YJU2B: variants seen among roughly 807,000 people sequenced by gnomAD.
The protein encoded by YJU2B is probable splicing factor YJU2B.
In YJU2B, 18 loss-of-function variants were observed where a neutral mutation model predicts 38.0. The observed-to-expected ratio is 0.47, with a 90% CI of 0.33 to 0.70. The LOEUF (loss-of-function observed/expected upper bound fraction) is 0.70, where lower values mean the gene tolerates loss of function less well. Ranked by LOEUF, YJU2B falls within the 30% of genes least tolerant of loss-of-function variation. The pLI is 0.02. For missense variants in YJU2B, 538 were observed against 556.3 expected (o/e 0.97, Z 0.33); for synonymous variants, 246 against 225.4 (o/e 1.09, Z -0.82).
chr19:13,736,254 C>CTTTTTTTTTTTT (rs60385996), intron 2 of YJU2B, among the ~76,000 whole-genome samples: 4 of 104,246 alleles, frequency 3.8e-5, no homozygotes, highest in Non-Finnish European at 5.4e-5. Context: ...TTCTTTCTTT[C>CTTTTTTTTTTTT]TTTTTTTTTT....
chr19:13,733,468 T>C (rs1236661257), intron 2 of YJU2B, among the ~76,000 whole-genome samples: 1 of 150,634 alleles, frequency 6.6e-6, no homozygotes, highest in Middle Eastern at 3.2e-3. Context: ...ACGCCTGTAA[T>C]CCCAGCACTT....
intron 3 of YJU2B, 55 bp downstream of exon 3, chr19:13,754,397 C>T (rs964069846): frequency 6.9e-7 from 1 of 1,454,036 alleles, no homozygotes; most frequent in Non-Finnish European, 9.7e-7. Flanking sequence ...ACGTCATCCC[C>T]TCTTGGGGTT....
intron 1 of YJU2B, among the ~76,000 whole-genome samples, chr19:13,749,078 A>G (rs1973357005): frequency 6.6e-6 from 1 of 152,198 alleles, no homozygotes; most frequent in Non-Finnish European, 1.5e-5. Flanking sequence ...ATCTCGGTTC[A>G]CTGCAACCTC....
rs368944714 is a variant in YJU2B at position 13,762,408 on chromosome 19, C to T, written c.683C>T (p.Ala228Val). The change falls in exon 9 of 10, where the codon GCG (alanine) becomes GTG (valine). Residue 228 changes from alanine to valine, a missense_variant. Physicochemically the swap from Ala to Val is moderately conservative, Grantham distance 64. Transcript: ENST00000221554. ...GAGACGGAAGATGACCGCAAGCTGGCGGCTCTGCTGAAGTTCCACACCCTG... is the reference window on the plus strand; with the variant it reads ...GAGACGGAAGATGACCGCAAGCTGGTGGCTCTGCTGAAGTTCCACACCCTG... The part of the protein sequence containing the change: ...VPETEDDRKL[A>V]ALLKFHTLDS... 29 of 1,613,244 alleles carry T rather than the reference C, an allele frequency of 1.8e-5. No homozygotes were observed. The highest frequency in any genetic ancestry group is 2.1e-5 in the Non-Finnish European group (25 of 1,179,992).
At chr19:13,752,686 G>A (rs1362412602) in intron 2 of YJU2B, among the ~76,000 whole-genome samples, 1 of 152,166 alleles carries the variant, frequency 6.6e-6, no homozygotes, top group African/African-American at 2.4e-5. Flanking sequence ...GGAGGTTGCA[G>A]TGGGCTGAGA....
intron 2 of YJU2B, chr19:13,732,525 T>A (rs1972842028): frequency 6.6e-6 from 1 of 151,660 alleles, no homozygotes. Context: ...GAGGATCGCT[T>A]TAGCCCAGGA....
At chr19:13,759,547 C>T in intron 8 of YJU2B, 1 of 329,482 alleles carries the variant, frequency 3.0e-6, no homozygotes, top group Non-Finnish European at 5.5e-6. Context: ...GCCAGGAGTT[C>T]AAGATCAGCC....
In YJU2B at chr19:13,756,213, G is replaced by C; in HGVS notation, c.74G>C (p.Arg25Pro). 1 of 1,613,932 alleles carries C rather than the reference G, an allele frequency of 6.2e-7. No homozygotes were observed. Among genetic ancestry groups the C allele is most frequent in the Non-Finnish European group, 8.5e-7 (1 of 1,179,944 alleles). ...TCCACACAGCATGGCTCTCTCAACCGATACCACAACAGCCACCCGCTTCGG... is the reference window on the plus strand; with the variant it reads ...TCCACACAGCATGGCTCTCTCAACCCATACCACAACAGCCACCCGCTTCGG... Reference protein sequence around the residue: ...FNPEKHGSLNRYHNSHPLRER... With the variant: ...FNPEKHGSLNPYHNSHPLRER... Residue 25 changes from arginine to proline, a missense_variant, in exon 4 of 10, where the codon CGA (arginine) becomes CCA (proline). Physicochemically the swap from Arg to Pro is moderately radical, Grantham distance 103. Transcript: ENST00000221554.
At chr19:13,760,590 T>C (rs1219149225) in intron 8 of YJU2B, among the ~76,000 whole-genome samples, 1 of 151,846 alleles carries the variant, frequency 6.6e-6, no homozygotes, top group Non-Finnish European at 1.5e-5. Flanking sequence ...CCTCCTTTTA[T>C]TTATTTATTT....
chr19:13,745,750 T>G (rs956673407), upstream of YJU2B, among the ~76,000 whole-genome samples: 8 of 143,438 alleles, frequency 5.6e-5, no homozygotes, highest in East Asian at 5.9e-4. Flanking sequence ...TATAGATATA[T>G]ATATATATCA....
rs548803325 is a variant in YJU2B, at chr19:13,747,905, C to G, written c.-251C>G. ...AGGGCGCCCAGGTTCACCGCGCTCT[C>G]AGCGCGCACTTCCGGGCACGGTCAG... On this transcript the variant is annotated 5_prime_UTR_variant, in exon 1 of 10. Transcript: ENST00000221554. 2.6e-5 allele frequency: 4 copies of G among 152,302 alleles called. No individual in the cohort carries two copies. Among genetic ancestry groups the G allele is most frequent in the Non-Finnish European group, 5.9e-5 (4 of 68,068 alleles). 9.4% of individuals were successfully genotyped at this position (152,302 alleles called of 1,614,324 possible).
At chr19:13,742,341 C>T (rs1292771847) in intron 2 of YJU2B, among the ~76,000 whole-genome samples, 3 of 129,210 alleles carry the variant, frequency 2.3e-5, no homozygotes, top group South Asian at 2.3e-4. Context: ...GTCTCACTGT[C>T]GCCAGCGCTG....
At chr19:13,743,889 A>G (rs1973161968), upstream of YJU2B, among the ~76,000 whole-genome samples, 1 of 147,694 alleles carries the variant, frequency 6.8e-6, no homozygotes, top group Non-Finnish European at 1.5e-5. Context: ...AGTCTCAGGA[A>G]AAAAAAGAAA....
At chr19:13,753,035 G>A (rs575144943) in intron 2 of YJU2B, among the ~76,000 whole-genome samples, 3 of 152,244 alleles carry the variant, frequency 2.0e-5, no homozygotes, top group African/African-American at 4.8e-5. Flanking sequence ...ACTTCTTACC[G>A]TCAATCACAG....
intron 3 of YJU2B, among the ~76,000 whole-genome samples, chr19:13,755,081 T>C (rs1411197438): frequency 6.6e-6 from 1 of 151,730 alleles, no homozygotes; most frequent in East Asian, 1.9e-4. Context: ...GGAGGATTGC[T>C]TGAGCCCAGG....
In YJU2B at chr19:13,763,004, C is replaced by T. The variant is rs149179548; in HGVS notation, c.1127C>T (p.Thr376Met). 4.4e-6 allele frequency: 7 copies of T among 1,603,418 alleles called. No homozygotes were observed. Among genetic ancestry groups the T allele is most frequent in the South Asian group, 1.1e-5 (1 of 90,132 alleles). ...CAGGAGGCAGCTGACACCCCCGACA[C>T]GCGGCACCCCTGCAGTCTCGGCTCC... The part of the protein sequence containing the change: ...SSQEAADTPD[T>M]RHPCSLGSSL... The change falls in exon 10 of 10, where the codon ACG becomes ATG. Residue 376 changes from threonine to methionine, a missense_variant. Around this residue, in one of 2 missense-constraint regions of YJU2B, gnomAD observed 488 missense variants for 469.5 expected, o/e 1.04. Coordinates refer to ENST00000221554, the MANE Select transcript of YJU2B (RefSeq NM_030818.4).
chr19:13,761,007 G>C (rs1387164751), intron 8 of YJU2B, among the ~76,000 whole-genome samples: 1 of 151,906 alleles, frequency 6.6e-6, no homozygotes, highest in Non-Finnish European at 1.5e-5. Flanking sequence ...GGCCTCATGT[G>C]ATCCACCCAC....
chr19:13,755,028 A>G (rs1973610208), intron 3 of YJU2B, among the ~76,000 whole-genome samples: 1 of 152,054 alleles, frequency 6.6e-6, no homozygotes, highest in Non-Finnish European at 1.5e-5. Context: ...GACCTCACAG[A>G]ATCATTGAGG....
chr19:13,751,896 T>C (rs1222384660), intron 2 of YJU2B, 85 bp downstream of exon 2: 4 of 1,325,400 alleles, frequency 3.0e-6, no homozygotes, highest in African/African-American at 1.4e-5. Context: ...CTCCCAGAGC[T>C]CTAAGATGAT....
Sources: allele counts gnomAD v4.1 joint callset (sites outside exome capture counted in the v4.1 genomes callset), GRCh38; gene constraint gnomAD v4.1.1; regional missense constraint gnomAD v4.1.1; transcripts MANE v1.5; gene names NCBI Gene and HGNC (gene_info 2026-07-23, HGNC 2026-07-21).